The following CA10 variants were observed in gnomAD, a reference collection of about 807,000 sequenced individuals.
CA10 encodes the protein carbonic anhydrase-related protein 10.
CA10 carries 14 observed loss-of-function variants against 44.2 expected under a neutral mutation model. The ratio of observed to expected loss-of-function variants is 0.32; its 90% CI spans 0.21 to 0.50. CA10 has a LOEUF of 0.50. Among genes scored for constraint, CA10 ranks in the 20% least tolerant of loss-of-function variants. The probability of loss-of-function intolerance (pLI) is 0.99; values close to 1 mark genes in which losing one functional copy is unlikely to be tolerated. For missense variants in CA10, 350 were observed against 409.7 expected, an observed-to-expected ratio of 0.85 and a Z score of 1.26; for synonymous variants, 159 against 141.6, an observed-to-expected ratio of 1.12 and a Z score of -0.87.
chr17:51,923,850 G>A (rs868021715), intron 3 of CA10, among the ~76,000 whole-genome samples: 1 of 152,078 alleles, frequency 6.6e-6, no homozygotes, highest in African/African-American at 2.4e-5. Context: ...GCAACTTTTG[G>A]TGAATTCCAC....
intron 2 of CA10, among the ~76,000 whole-genome samples, chr17:52,027,145 A>G (rs577570048): frequency 6.6e-6 from 1 of 152,212 alleles, no homozygotes; most frequent in East Asian, 1.9e-4. Flanking sequence ...CATAAGGAGC[A>G]TGCAACCTAG....
chr17:52,003,206 C>T (rs1381102694), intron 2 of CA10, among the ~76,000 whole-genome samples: 1 of 151,888 alleles, frequency 6.6e-6, no homozygotes, highest in Non-Finnish European at 1.5e-5. Flanking sequence ...GATAACCTGA[C>T]CTGTTATTTA....
In CA10 at chr17:51,725,251, C is replaced by T. The variant is rs117142480; in HGVS notation, c.465+22382G>A. ...ACAGGCCAAGGATTGATGAGTGGGC[C>T]GGAGCCCCTTTGAAAATAGCTTTTG... On this transcript the variant is annotated intron_variant, in intron 4 of 8. Coordinates refer to ENST00000451037, the MANE Select transcript of CA10 (RefSeq NM_020178.5). 3.6e-4 allele frequency among the ~76,000 whole-genome samples: 55 copies of T among 152,284 alleles called. 1 individual carries two copies. The East Asian group carries it at 9.8e-3, about 27-fold the overall frequency.
intron 3 of CA10, among the ~76,000 whole-genome samples, chr17:51,901,935 G>A (rs1289544812): frequency 6.6e-6 from 1 of 152,044 alleles, no homozygotes; most frequent in Non-Finnish European, 1.5e-5. Flanking sequence ...GAAAAAGCAA[G>A]ACAGAAAATT....
At chr17:52,072,716 C>CACACACACACAA (rs776721118) in intron 1 of CA10, among the ~76,000 whole-genome samples, 3 of 123,466 alleles carry the variant, frequency 2.4e-5, no homozygotes, top group African/African-American at 6.4e-5. Flanking sequence ...CACACACACA[C>CACACACACACAA]AACACACACA....
At chr17:51,680,978 T>C (rs1914827268) in intron 4 of CA10, among the ~76,000 whole-genome samples, 1 of 152,142 alleles carries the variant, frequency 6.6e-6, no homozygotes. Flanking sequence ...AGAGAATCTA[T>C]ATTGTAGGGA....
At chr17:51,767,239 AG>A (rs1218935091) in intron 3 of CA10, among the ~76,000 whole-genome samples, 6 of 152,190 alleles carry the variant, frequency 3.9e-5, no homozygotes, top group Middle Eastern at 3.2e-3. Flanking sequence ...ATAGAAGAAG[AG>A]GGGAGTTTCA....
At chr17:51,843,581 G>A (rs1978369740) in intron 3 of CA10, among the ~76,000 whole-genome samples, 1 of 152,150 alleles carries the variant, frequency 6.6e-6, no homozygotes, top group African/African-American at 2.4e-5. Context: ...CTGAAATGAT[G>A]TGTGCTCATC....
intron 3 of CA10, among the ~76,000 whole-genome samples, chr17:51,823,756 C>T (rs1156862684): frequency 6.6e-6 from 1 of 152,186 alleles, no homozygotes; most frequent in Non-Finnish European, 1.5e-5. Context: ...TCATAGGTAG[C>T]AGCATAGCCA....
chr17:51,710,924 T>G lies in CA10; in HGVS notation c.465+36709A>C, dbSNP rs1227523181. On this transcript the variant is annotated intron_variant, in intron 4 of 8. Coordinates refer to ENST00000451037, the MANE Select transcript of CA10 (RefSeq NM_020178.5). ...CCAAAGACTGAACAACATTTTGCTT[T>G]TTTTTTTTTTTTTTTTTTTTGCTTC... Among the ~76,000 whole-genome samples the G allele has an allele frequency of 8.4e-5, 5 of 59,556 alleles. No individual in the cohort carries two copies. In the South Asian group the frequency reaches 1.8e-3, roughly 21 times the overall value. The allele number at this position is 59,556 out of a possible 152,430, so 39.1% of individuals were successfully genotyped here.
At chr17:52,121,434 T>G (rs1049089312) in intron 1 of CA10, among the ~76,000 whole-genome samples, 7 of 152,178 alleles carry the variant, frequency 4.6e-5, no homozygotes, top group African/African-American at 7.2e-5. Context: ...CTGCTTAGCA[T>G]GCAAACTAAA....
intron 3 of CA10, among the ~76,000 whole-genome samples, chr17:51,920,680 C>A (rs1982195146): frequency 6.6e-6 from 1 of 152,130 alleles, no homozygotes; most frequent in African/African-American, 2.4e-5. Flanking sequence ...GAGCGGCAAT[C>A]CTCAGCCAAG....
chr17:51,926,364 G>T (rs1035887923), intron 3 of CA10, among the ~76,000 whole-genome samples: 1 of 152,064 alleles, frequency 6.6e-6, no homozygotes, highest in Admixed American at 6.6e-5. Context: ...ATGCCAAAAA[G>T]TTTTAAAAAT....
At chr17:51,982,905 TTTTGAAATACCATCACTC>T (rs1984699142) in intron 2 of CA10, among the ~76,000 whole-genome samples, 1 of 151,964 alleles carries the variant, frequency 6.6e-6, no homozygotes, top group African/African-American at 2.4e-5. Context: ...AAAGCAGAAA[TTTTGAAATACCATCACTC>T]CTAAAATTAG....
chr17:51,937,331 T>C (rs1982905878), intron 2 of CA10, among the ~76,000 whole-genome samples: 1 of 152,168 alleles, frequency 6.6e-6, no homozygotes, highest in Non-Finnish European at 1.5e-5. Context: ...ATCTCCACTT[T>C]GAGCCATTAT....
intron 4 of CA10, among the ~76,000 whole-genome samples, chr17:51,698,194 C>G (rs1254979865): frequency 6.6e-6 from 1 of 152,192 alleles, no homozygotes; most frequent in Admixed American, 6.5e-5. Flanking sequence ...CCCATCCTTT[C>G]TGATTGCTGT....
chr17:51,823,582 T>C (rs1032751349), intron 3 of CA10, among the ~76,000 whole-genome samples: 4 of 152,212 alleles, frequency 2.6e-5, no homozygotes, highest in African/African-American at 9.6e-5. Flanking sequence ...GGTGGAACTT[T>C]TCTGATTACT....
At chr17:51,636,101 CAT>C in intron 6 of CA10, 92 bp from the exon 7 acceptor site, 2 of 632,402 alleles carry the variant, frequency 3.2e-6, no homozygotes, top group Non-Finnish European at 5.2e-6. Context: ...TATACATATA[CAT>C]ATACATACAT....
intron 2 of CA10, among the ~76,000 whole-genome samples, chr17:52,033,248 TAGA>T (rs1425453051): frequency 1.3e-5 from 2 of 152,144 alleles, no homozygotes; most frequent in African/African-American, 4.8e-5. Flanking sequence ...AGAAAACAAT[TAGA>T]AGATTTCATT....
Sources: gnomAD v4.1 joint callset for allele counts (sites outside exome capture counted in the v4.1 genomes callset) on GRCh38, gnomAD v4.1.1 for gene constraint, MANE v1.5 for transcripts, NCBI Gene and HGNC (gene_info 2026-07-23, HGNC 2026-07-21) for gene names.